Variants in SEC13 observed in about 807,000 individuals in gnomAD.
The protein encoded by SEC13 is protein SEC13 homolog.
In SEC13, 25 loss-of-function variants were observed where a neutral mutation model predicts 49.2. That is an observed-to-expected ratio of 0.51 (90% CI 0.37 to 0.71). SEC13 has a LOEUF of 0.71. SEC13 is among the 30% of genes least tolerant of loss of function. The pLI is 0.00. For missense variants in SEC13, 383 were observed against 417.6 expected, an observed-to-expected ratio of 0.92 and a Z score of 0.72; for synonymous variants, 148 against 163.9, an observed-to-expected ratio of 0.90 and a Z score of 0.74.
At chr3:10,308,475 G>A (rs952777788) in intron 5 of SEC13, among the ~76,000 whole-genome samples, 2 of 151,978 alleles carry the variant, frequency 1.3e-5, no homozygotes, top group African/African-American at 2.4e-5. Context: ...TTTACCTGTT[G>A]ATGGACATGT....
rs142458362 is a variant in SEC13 at position 10,310,009 on chromosome 3, G to A, written c.450+1956C>T. Among the ~76,000 whole-genome samples, 716 of 152,154 alleles carry A rather than the reference G, an allele frequency of 4.7e-3. 20 individuals are homozygous for A. The highest frequency in any genetic ancestry group is 0.041 in the Admixed American group (630 of 15,272). On this transcript the variant is annotated intron_variant, in intron 5 of 8. Coordinates refer to ENST00000350697, the MANE Select transcript of SEC13 (RefSeq NM_183352.3). Reference sequence around the variant, plus strand: ...ATTTCCTGCAGTTCTTCCTCCTGAGGGGCCCTGTCCCAGAGGCTTGCTCTG... The same window carrying A: ...ATTTCCTGCAGTTCTTCCTCCTGAGAGGCCCTGTCCCAGAGGCTTGCTCTG...
intron 6 of SEC13, 103 bp downstream of exon 6, chr3:10,305,455 GA>G: frequency 7.1e-7 from 1 of 1,418,138 alleles, no homozygotes; most frequent in Non-Finnish European, 9.7e-7. Context: ...GCAGGAGGGA[GA>G]AAGAAAGGTG....
chr3:10,308,091 A>AGTATATATATAT (rs1157581452), intron 5 of SEC13, among the ~76,000 whole-genome samples: 1 of 152,242 alleles, frequency 6.6e-6, no homozygotes, highest in Non-Finnish European at 1.5e-5. Flanking sequence ...GATATAGTAT[A>AGTATATATATAT]ATTGACATAA....
rs753097119 is a variant in SEC13, at chr3:10,315,383, G to A, written c.102C>T (p.Asp34=). ...GCACATCAAAGATTTTGACGGACCT[G>A]TCTGATGAGCAGGTTGCCAGGCGGG... The part of the protein sequence containing the change: ...YGTRLATCSS[D]RSVKIFDVRN... The change falls in exon 3 of 9, where the codon GAC becomes GAT. Residue 34 remains aspartate, a synonymous_variant. Coordinates refer to ENST00000350697, the MANE Select transcript of SEC13 (RefSeq NM_183352.3). The A allele has an allele frequency of 1.5e-5, 24 of 1,609,046 alleles. No homozygotes were observed. In the East Asian group the frequency reaches 4.3e-4, roughly 29 times the overall value.
chr3:10,319,451 A>G, intron 1 of SEC13: 1 of 550,610 alleles, frequency 1.8e-6, no homozygotes, highest in South Asian at 3.5e-5. Flanking sequence ...GACTAAGGAA[A>G]TGAAGAAGCC....
At chr3:10,315,836 A>G (rs1402914650) in intron 2 of SEC13, among the ~76,000 whole-genome samples, 1 of 152,196 alleles carries the variant, frequency 6.6e-6, no homozygotes, top group Non-Finnish European at 1.5e-5. Flanking sequence ...GCTCAGCCCT[A>G]GCACCTGATG....
intron 3 of SEC13, chr3:10,313,123 C>T (rs2125273224): frequency 4.3e-6 from 1 of 233,464 alleles, no homozygotes; most frequent in South Asian, 6.3e-5. Flanking sequence ...GCTATTCATC[C>T]TTCCCGACGG....
chr3:10,305,553 A>C lies in SEC13; in HGVS notation c.584+6T>G, dbSNP rs1489090103. 1 of 1,613,536 alleles carries C rather than the reference A, an allele frequency of 6.2e-7. No homozygotes were observed. Among genetic ancestry groups the C allele is most frequent in the Admixed American group, 1.7e-5 (1 of 60,028 alleles). ...CTCAAAGAGAAGGCCACACATCCCT[A>C]CTTACTTCCACAGCTTGATGAGGTT... is the stretch of plus-strand genomic sequence containing the variant. On this transcript the variant is annotated splice_donor_region_variant and intron_variant, in intron 6 of 8. Coordinates refer to ENST00000350697, the MANE Select transcript of SEC13 (RefSeq NM_183352.3).
At position 10,301,103 on chromosome 3, in the gene SEC13, A is replaced by C. The variant is rs1380395208; in HGVS notation, c.*158T>G. 9.3e-6 allele frequency: 15 copies of C among 1,613,220 alleles called. No homozygotes were observed. Among genetic ancestry groups the C allele is most frequent in the Non-Finnish European group, 1.3e-5 (15 of 1,179,872 alleles). On this transcript the variant is annotated 3_prime_UTR_variant, in exon 9 of 9. Coordinates refer to ENST00000350697, the MANE Select transcript of SEC13 (RefSeq NM_183352.3). ...AGTAGATTACAAAGCATCTCCGATC[A>C]CGTTAAGGCAGATGATCAATCTGTG...
At chr3:10,307,231 CAG>C (rs1700935828) in intron 5 of SEC13, among the ~76,000 whole-genome samples, 1 of 146,612 alleles carries the variant, frequency 6.8e-6, no homozygotes, top group East Asian at 2.0e-4. Context: ...TTTTTTGAGA[CAG>C]AGTCTGGCTC....
intron 1 of SEC13, chr3:10,319,054 CT>C (rs2059715730): frequency 8.0e-7 from 1 of 1,252,876 alleles, no homozygotes; most frequent in Non-Finnish European, 1.1e-6. Flanking sequence ...TATTTTTTTT[CT>C]TTGCTCAACC....
At chr3:10,308,144 A>G (rs1701004440) in intron 5 of SEC13, among the ~76,000 whole-genome samples, 1 of 152,242 alleles carries the variant, frequency 6.6e-6, no homozygotes, top group African/African-American at 2.4e-5. Flanking sequence ...TGACAAAAAT[A>G]TATCCTGTAG....
intron 8 of SEC13, among the ~76,000 whole-genome samples, chr3:10,302,540 G>A (rs975047737): frequency 2.0e-5 from 3 of 152,170 alleles, no homozygotes; most frequent in Non-Finnish European, 4.4e-5. Context: ...AAAGTCACTG[G>A]GGGCCTGCTT....
intron 8 of SEC13, 62 bp downstream of exon 8, chr3:10,303,964 C>T (rs1468939958): frequency 6.3e-7 from 1 of 1,584,324 alleles, no homozygotes; most frequent in Non-Finnish European, 8.6e-7. Context: ...AGTGCCCTCT[C>T]TAGTGGGCGG....
intron 5 of SEC13, among the ~76,000 whole-genome samples, chr3:10,311,258 G>A (rs1701236174): frequency 6.6e-6 from 1 of 152,194 alleles, no homozygotes; most frequent in Non-Finnish European, 1.5e-5. Context: ...TCTGCCTCAT[G>A]CCCTAAGCTG....
In SEC13 at chr3:10,315,355, T is replaced by G; in HGVS notation, c.130A>C (p.Asn44His). The G allele has an allele frequency of 6.2e-7, 1 of 1,613,882 alleles. No individual in the cohort carries two copies. Residue 44 changes from asparagine (N) to histidine (H), a missense_variant, in exon 3 of 9, where the codon AAT becomes CAT. By Grantham distance (68) the Asn-to-His change is moderately conservative. Coordinates refer to ENST00000350697, the MANE Select transcript of SEC13 (RefSeq NM_183352.3). ...DRSVKIFDVR[N>H]GGQILIADLR... The stretch of plus-strand genomic sequence containing the variant: ...TCGGCGATAAGGATCTGCCCTCCAT[T>G]GCGCACATCAAAGATTTTGACGGAC...
chr3:10,305,175 A>G lies in SEC13; in HGVS notation c.585-19T>C. ...CTCCTCCCTAACAGTGGGGACAGAA[A>G]GAGAATCAGCAGGGGGCCGTTCCCA... On this transcript the variant is annotated intron_variant, in intron 6 of 8. Transcript: ENST00000350697. The G allele has an allele frequency of 6.3e-7, 1 of 1,599,584 alleles. No homozygotes were observed. The highest frequency in any genetic ancestry group is 8.5e-7 in the Non-Finnish European group (1 of 1,171,720).
intron 8 of SEC13, among the ~76,000 whole-genome samples, chr3:10,301,984 G>A (rs777761069): frequency 6.6e-5 from 10 of 152,168 alleles, no homozygotes; most frequent in Non-Finnish European, 1.2e-4. Context: ...GCTCACGCCT[G>A]TAATCTCAGC....
At chr3:10,312,998 C>G in intron 3 of SEC13, 1 of 410,240 alleles carries the variant, frequency 2.4e-6, no homozygotes, top group South Asian at 3.6e-5. Flanking sequence ...CAGGCAGGAG[C>G]CTCACTTGCC....
Sources: allele counts gnomAD v4.1 joint callset (sites outside exome capture counted in the v4.1 genomes callset), GRCh38; gene constraint gnomAD v4.1.1; transcripts MANE v1.5; gene names NCBI Gene and HGNC (gene_info 2026-07-23, HGNC 2026-07-21).